PDXK: variants seen among roughly 807,000 people sequenced by gnomAD.
PDXK encodes pyridoxal kinase, also known as epididymis secretory sperm binding protein Li 1a.
PDXK carries 15 observed loss-of-function variants against 43.2 expected under a neutral mutation model. The ratio of observed to expected loss-of-function variants is 0.35; its 90% CI spans 0.23 to 0.53. PDXK has a LOEUF of 0.53. PDXK is among the 20% of genes least tolerant of loss of function. PDXK has a pLI of 0.92. For missense variants in PDXK, 343 were observed against 417.0 expected (o/e 0.82, Z 1.54); for synonymous variants, 172 against 165.4 (o/e 1.04, Z -0.31).
rs2083417999 is a variant in PDXK at position 43,737,142 on chromosome 21, C to T, written c.142+3019C>T. 1.4e-6 allele frequency: 2 copies of T among 1,404,128 alleles called. No homozygotes were observed. The allele number at this position is 1,404,128 out of a possible 1,614,324, so 87.0% of individuals were successfully genotyped here. A position where few individuals can be genotyped will look rare whatever the true frequency, so the allele number is the denominator to read the frequency against. Reference sequence around the variant, plus strand: ...GGGGTGGTCACGTGGGCAGCTTCTGCCTGGGATGGGCCACAAAGCCAGACT... The same window carrying T: ...GGGGTGGTCACGTGGGCAGCTTCTGTCTGGGATGGGCCACAAAGCCAGACT... On this transcript the variant is annotated intron_variant, in intron 2 of 10. Transcript: ENST00000291565. This position sits in a 1 kb window ranked among gnomAD's most constrained non-coding sequence, Gnocchi z 4.8.
rs1165919056 is a variant in PDXK, at chr21:43,744,216, G to A, written c.331+409G>A. Among the ~76,000 whole-genome samples the A allele has an allele frequency of 2.0e-5, 3 of 151,946 alleles. No homozygotes were observed. In the East Asian group the frequency reaches 5.8e-4, roughly 29 times the overall value. On this transcript the variant is annotated intron_variant, in intron 4 of 10. Transcript: ENST00000291565. ...CAGGGTCATACCCAGGCAGGGCCAG[G>A]CTAGGGAGTGGGGGGAGGGAGGGTC...
intron 1 of PDXK, chr21:43,728,740 C>T (rs909614452): frequency 2.0e-6 from 2 of 985,616 alleles, no homozygotes; most frequent in African/African-American, 1.7e-5. Flanking sequence ...GGGAGGAGGA[C>T]TGCGGGCTGC....
At chr21:43,755,477 G>GT in intron 9 of PDXK, 1 of 582,054 alleles carries the variant, frequency 1.7e-6, no homozygotes, top group Admixed American at 3.0e-5. Context: ...TCCAGAGCAG[G>GT]TAGCTGGGAC....
Position 43,734,151 on chromosome 21 carries a change from T to A in PDXK, c.142+28T>A. The A allele has an allele frequency of 6.2e-7, 1 of 1,606,058 alleles. No homozygotes were observed. Among genetic ancestry groups the A allele is most frequent in the South Asian group, 1.1e-5 (1 of 90,942 alleles). On this transcript the variant is annotated intron_variant, in intron 2 of 10. Transcript: ENST00000291565. This position sits in a 1 kb window ranked among gnomAD's most constrained non-coding sequence, Gnocchi z 5.0. ...AAGGCGTTGGCTCCAGCAGCTGGCA[T>A]AGAGCAGACTGTGGGTGTGAGGGAC...
intron 1 of PDXK, among the ~76,000 whole-genome samples, chr21:43,733,279 G>T (rs2083349815): frequency 9.3e-5 from 1 of 10,804 alleles, no homozygotes; most frequent in Non-Finnish European, 2.0e-4. Flanking sequence ...CCCCCGCCCT[G>T]GAAACAGCCG....
In PDXK at chr21:43,752,597, A is replaced by G; in HGVS notation, c.590A>G (p.Asn197Ser). Residue 197 changes from asparagine (N) to serine (S), a missense_variant, in exon 8 of 11, where the codon AAC (asparagine) becomes AGC (serine). Physicochemically the swap from Asn to Ser is conservative, Grantham distance 46. Coordinates refer to ENST00000291565, the MANE Select transcript of PDXK (RefSeq NM_003681.5). The part of the protein sequence containing the change: ...SSDLPSPQGS[N>S]YLIVLGSQRR... ...GACCTGCCCTCCCCGCAGGGCAGCA[A>G]CTACCTGATTGTGCTGGGGAGTCAG... The G allele has an allele frequency of 6.2e-7, 1 of 1,612,452 alleles. No individual in the cohort carries two copies. The highest frequency in any genetic ancestry group is 1.1e-5 in the South Asian group (1 of 91,078).
Position 43,737,208 on chromosome 21 carries a change from G to A in PDXK, c.142+3085G>A. 1.4e-6 allele frequency: 2 copies of A among 1,438,516 alleles called. No individual in the cohort carries two copies. The highest frequency in any genetic ancestry group is 1.8e-6 in the Non-Finnish European group (2 of 1,098,492). The allele number at this position is 1,438,516 out of a possible 1,614,324, so 89.1% of individuals were successfully genotyped here. ...GGTGTTCCACACAAGCTGCGTTGTT[G>A]GTTCCCTGACGCCCTTCAGGCTGGG... On this transcript the variant is annotated intron_variant, in intron 2 of 10. Transcript: ENST00000291565. This position sits in a 1 kb window ranked among gnomAD's most constrained non-coding sequence, Gnocchi z 4.8.
chr21:43,750,750 CATGTGT>C (rs2083723757), intron 7 of PDXK, among the ~76,000 whole-genome samples: 1 of 132,380 alleles, frequency 7.6e-6, no homozygotes, highest in African/African-American at 3.0e-5. Context: ...TGTGTGTGTG[CATGTGT>C]GCGTGTGTGC....
chr21:43,725,394 A>C (rs1381616964), intron 1 of PDXK, among the ~76,000 whole-genome samples: 4 of 152,220 alleles, frequency 2.6e-5, no homozygotes, highest in African/African-American at 7.2e-5. Flanking sequence ...GGATAGAAAG[A>C]GTCTTCTTTG....
chr21:43,733,431 C>T (rs988595050), intron 1 of PDXK, among the ~76,000 whole-genome samples: 4 of 152,138 alleles, frequency 2.6e-5, no homozygotes, highest in Non-Finnish European at 4.4e-5. Context: ...GGGATGGCCC[C>T]CCAAACTAGC....
chr21:43,749,204 A>G (rs2083692063), intron 6 of PDXK, 124 bp downstream of exon 6: 4 of 532,442 alleles, frequency 7.5e-6, no homozygotes, highest in Non-Finnish European at 9.9e-6. Flanking sequence ...TCCGGGGTTC[A>G]AGCAATTCTC....
intron 8 of PDXK, 117 bp downstream of exon 8, chr21:43,752,746 C>T (rs779255802): frequency 1.4e-4 from 93 of 648,942 alleles, no homozygotes; most frequent in Non-Finnish European, 2.4e-4. Flanking sequence ...TATCCAGCAC[C>T]GGGATGACAC....
Position 43,732,670 on chromosome 21 carries a change from A to G in PDXK, c.88-1399A>G, listed in dbSNP as rs1198176831. On this transcript the variant is annotated intron_variant, in intron 1 of 10. Transcript: ENST00000291565. The surrounding 1 kb of genome is among the most constrained non-coding windows in gnomAD (Gnocchi z 4.1). The stretch of plus-strand genomic sequence containing the variant: ...TCGGTTAGAATTTTAAAGGATTTGA[A>G]ATACTGCAAGCTATCTGTGTATAGA... 2.6e-6 allele frequency: 2 copies of G among 776,888 alleles called. No individual in the cohort carries two copies. The highest frequency in any genetic ancestry group is 4.9e-5 in the East Asian group (2 of 41,224). 48.1% of individuals were successfully genotyped at this position (776,888 alleles called of 1,614,324 possible). A position where few individuals can be genotyped will look rare whatever the true frequency, so the allele number is the denominator to read the frequency against.
At chr21:43,719,798 C>A in intron 1 of PDXK, 1 of 985,474 alleles carries the variant, frequency 1.0e-6, no homozygotes, top group Non-Finnish European at 1.2e-6. Context: ...CCTTGCCCCG[C>A]TGGAACGCAG....
At chr21:43,736,109 TGA>T (rs796642816) in intron 2 of PDXK, among the ~76,000 whole-genome samples, 29 of 152,340 alleles carry the variant, frequency 1.9e-4, no homozygotes, top group African/African-American at 6.7e-4. Context: ...TTTTGTTTTT[TGA>T]GTTTTTTTGT....
In PDXK at chr21:43,732,171, G is replaced by A. The variant is rs138752676; in HGVS notation, c.88-1898G>A. ...TTTCACATTCTTGGTACCTCCTGGTGGTGCCTGGGAGGGAGCCACTGCTGT... is the reference window on the plus strand; with the variant it reads ...TTTCACATTCTTGGTACCTCCTGGTAGTGCCTGGGAGGGAGCCACTGCTGT... On this transcript the variant is annotated intron_variant, in intron 1 of 10. Coordinates refer to ENST00000291565, the MANE Select transcript of PDXK (RefSeq NM_003681.5). This position sits in a 1 kb window ranked among gnomAD's most constrained non-coding sequence, Gnocchi z 4.1. 3.8e-5 allele frequency: 53 copies of A among 1,409,578 alleles called. No individual in the cohort carries two copies. The Middle Eastern group carries it at 1.3e-3, about 35-fold the overall frequency. 87.3% of individuals were successfully genotyped at this position (1,409,578 alleles called of 1,614,324 possible).
Position 43,759,608 on chromosome 21 carries a change from C to T in PDXK, c.*3545C>T, listed in dbSNP as rs1251822056. 1 of 153,670 alleles carries T rather than the reference C, an allele frequency of 6.5e-6. No individual in the cohort carries two copies. The highest frequency in any genetic ancestry group is 1.5e-5 in the Non-Finnish European group (1 of 68,220). 9.5% of individuals were successfully genotyped at this position (153,670 alleles called of 1,614,324 possible). On this transcript the variant is annotated 3_prime_UTR_variant, in exon 11 of 11. Coordinates refer to ENST00000291565, the MANE Select transcript of PDXK (RefSeq NM_003681.5). ...TCACACACCCCTCCCTGTGGATCGC[C>T]TGCCTGGGCCCAGAGCAGGGGAACT...
rs777234555 is a variant in PDXK at position 43,741,620 on chromosome 21, A to C, written c.143-47A>C. The C allele has an allele frequency of 2.5e-6, 4 of 1,596,982 alleles. No individual in the cohort carries two copies. The East Asian group carries it at 6.7e-5, about 27-fold the overall frequency. On this transcript the variant is annotated intron_variant, in intron 2 of 10. Transcript: ENST00000291565. ...GGTGTCAAGGGAAGCCCACGGCCCC[A>C]GCTGGCCCCCTTGTGTCTGAGCCCC...
At chr21:43,740,496 A>G (rs1273267584) in intron 2 of PDXK, among the ~76,000 whole-genome samples, 2 of 151,978 alleles carry the variant, frequency 1.3e-5, no homozygotes, top group African/African-American at 2.4e-5. Context: ...GAGCCCCTCG[A>G]TGTGAGGCGT....
Sources: gnomAD v4.1 joint callset for allele counts (sites outside exome capture counted in the v4.1 genomes callset) on GRCh38, gnomAD v4.1.1 for gene constraint, Gnocchi (gnomAD v3.1) non-coding constraint, MANE v1.5 for transcripts, NCBI Gene and HGNC (gene_info 2026-07-23, HGNC 2026-07-21) for gene names.